MVB12B: variants seen among roughly 807,000 people sequenced by gnomAD.
The protein encoded by MVB12B is ESCRT-I complex subunit MVB12B.
MVB12B carries 16 observed loss-of-function variants against 41.6 expected under a neutral mutation model. The observed-to-expected ratio is 0.38, with a 90% CI of 0.26 to 0.58. MVB12B has a LOEUF of 0.58. MVB12B is among the 20% of genes least tolerant of loss of function. MVB12B has a pLI of 0.62. For missense variants in MVB12B, 274 were observed against 380.2 expected (o/e 0.72, Z 2.32); for synonymous variants, 133 against 139.7 (o/e 0.95, Z 0.34).
At position 126,506,887 on chromosome 9, in the gene MVB12B, CTG is replaced by C. The variant is rs771136465; in HGVS notation, c.*3628_*3629del. The stretch of plus-strand genomic sequence containing the variant: ...CTAAGGCCGTGGAGCTGCTGTGTGA[CTG>C]TGTCAGGCCTGGACAAGGAAGACCC... On this transcript the variant is annotated 3_prime_UTR_variant, in exon 10 of 10. Transcript: ENST00000361171. The C allele has an allele frequency of 3.3e-5, 5 of 152,644 alleles. No homozygotes were observed. Among genetic ancestry groups the C allele is most frequent in the African/African-American group, 1.2e-4 (5 of 41,452 alleles). 9.5% of individuals were successfully genotyped at this position (152,644 alleles called of 1,614,324 possible).
intron 2 of MVB12B, among the ~76,000 whole-genome samples, chr9:126,346,635 T>C (rs1308617693): frequency 6.6e-6 from 1 of 152,048 alleles, no homozygotes; most frequent in Non-Finnish European, 1.5e-5. Flanking sequence ...TAAGTGGGCT[T>C]GTCTAGGGAG....
Position 126,354,278 on chromosome 9 carries a change from T to C in MVB12B, c.204+13648T>C, listed in dbSNP as rs765676024. On this transcript the variant is annotated intron_variant, in intron 2 of 9. Coordinates refer to ENST00000361171, the MANE Select transcript of MVB12B (RefSeq NM_033446.3). ...TCTCGGACTGTCAATCTTTCAGTCT[T>C]GTTCATAGTATCACATTTTGTTGAT... Among the ~76,000 whole-genome samples the C allele has an allele frequency of 2.0e-5, 3 of 152,252 alleles. No homozygotes were observed. In the East Asian group the frequency reaches 5.8e-4, roughly 29 times the overall value.
intron 3 of MVB12B, among the ~76,000 whole-genome samples, chr9:126,384,631 C>T (rs1162386858): frequency 6.6e-6 from 1 of 152,008 alleles, no homozygotes; most frequent in African/African-American, 2.4e-5. Context: ...TGGGTTCAAG[C>T]GATTCTCCTG....
At chr9:126,327,449 G>A (rs1190063743) in intron 1 of MVB12B, among the ~76,000 whole-genome samples, 1 of 152,214 alleles carries the variant, frequency 6.6e-6, no homozygotes, top group Non-Finnish European at 1.5e-5. Context: ...TGCCCCAGGA[G>A]CATCACTGCC....
intron 9 of MVB12B, among the ~76,000 whole-genome samples, chr9:126,492,033 A>G (rs565547272): frequency 2.6e-5 from 4 of 151,506 alleles, no homozygotes; most frequent in Non-Finnish European, 5.9e-5. Context: ...CCTGAGTACC[A>G]AGGTTGTCCA....
Position 126,340,674 on chromosome 9 carries a change from C to T in MVB12B, c.204+44C>T. The T allele has an allele frequency of 5.6e-6, 9 of 1,603,740 alleles. No homozygotes were observed. The highest frequency in any genetic ancestry group is 5.5e-5 in the South Asian group (5 of 90,598). On this transcript the variant is annotated intron_variant, in intron 2 of 9. Coordinates refer to ENST00000361171, the MANE Select transcript of MVB12B (RefSeq NM_033446.3). The surrounding 1 kb of genome is among the most constrained non-coding windows in gnomAD (Gnocchi z 4.0). Reference sequence around the variant, plus strand: ...TTGTACATTTTGCTCACTGATTCTACAAGTATTTATCTCCTGTGTCCAAGA... The same window carrying T: ...TTGTACATTTTGCTCACTGATTCTATAAGTATTTATCTCCTGTGTCCAAGA...
At chr9:126,470,393 G>A (rs1179014046) in intron 7 of MVB12B, among the ~76,000 whole-genome samples, 1 of 152,176 alleles carries the variant, frequency 6.6e-6, no homozygotes, top group Non-Finnish European at 1.5e-5. Flanking sequence ...GTTTCTTGTG[G>A]GTGTGGACTG....
rs757375558 is a variant in MVB12B, at chr9:126,326,937, G to A, written c.8G>A (p.Ser3Asn). ...TCCCGCGCCGCCCGGGCGATGAGAA[G>A]CTGCTTCTGCGTGAGACGGAGCCGG... is the stretch of plus-strand genomic sequence containing the variant. MR[S>N]CFCVRRSRDP... The change falls in exon 1 of 10, where the codon AGC (serine) becomes AAC (asparagine). Residue 3 changes from serine to asparagine, a missense_variant. Transcript: ENST00000361171. 6.9e-5 allele frequency: 19 copies of A among 276,076 alleles called. No homozygotes were observed. The highest frequency in any genetic ancestry group is 4.8e-4 in the South Asian group (17 of 35,408). The allele number at this position is 276,076 out of a possible 1,614,324, so 17.1% of individuals were successfully genotyped here.
At chr9:126,502,986 C>G (rs1338319310) in intron 9 of MVB12B, among the ~76,000 whole-genome samples, 191 bp from the exon 10 acceptor site, 3 of 152,236 alleles carry the variant, frequency 2.0e-5, no homozygotes, top group Admixed American at 2.0e-4. Flanking sequence ...TCCACGCACA[C>G]ACGCCACATG....
At chr9:126,413,270 C>T (rs373935073) in intron 6 of MVB12B, among the ~76,000 whole-genome samples, 2 of 152,152 alleles carry the variant, frequency 1.3e-5, no homozygotes, top group African/African-American at 4.8e-5. Context: ...ATCCAAGCTT[C>T]TGCATACTCT....
At chr9:126,462,306 T>C (rs1392207253) in intron 7 of MVB12B, among the ~76,000 whole-genome samples, 1 of 152,190 alleles carries the variant, frequency 6.6e-6, no homozygotes, top group East Asian at 1.9e-4. Context: ...AAAACCAATT[T>C]CGTAAACACA....
chr9:126,349,624 T>TA (rs1829693316), intron 2 of MVB12B, among the ~76,000 whole-genome samples: 1 of 152,092 alleles, frequency 6.6e-6, no homozygotes, highest in Non-Finnish European at 1.5e-5. Flanking sequence ...AATTGGCTTT[T>TA]AAAAAAAACT....
At chr9:126,466,545 A>G (rs1049968686) in intron 7 of MVB12B, among the ~76,000 whole-genome samples, 3 of 152,144 alleles carry the variant, frequency 2.0e-5, no homozygotes, top group African/African-American at 4.8e-5. Context: ...GTAGGTGACA[A>G]ATGGTGGGAT....
intron 7 of MVB12B, among the ~76,000 whole-genome samples, chr9:126,453,439 C>T (rs184390577): frequency 6.6e-6 from 1 of 152,292 alleles, no homozygotes; most frequent in Non-Finnish European, 1.5e-5. Context: ...TCTCCCTTCT[C>T]AAGTATGGAG....
chr9:126,503,618 GGCTCCCTCC>G lies in MVB12B; in HGVS notation c.*365_*373del, dbSNP rs3841410. ...CCCTGGCCGCCCAGTGACGCCCACC[GGCTCCCTCC>G]GCTCCCTCCTGTCACCTACCAGGGC... is the stretch of plus-strand genomic sequence containing the variant. On this transcript the variant is annotated 3_prime_UTR_variant, in exon 10 of 10. Transcript: ENST00000361171. 0.21 allele frequency: 66,267 copies of G among 320,346 alleles called. 8,666 individuals are homozygous for G. Among genetic ancestry groups the G allele is most frequent in the African/African-American group, 0.42 (19,107 of 45,832 alleles). The allele number at this position is 320,346 out of a possible 1,614,324, so 19.8% of individuals were successfully genotyped here. A position where few individuals can be genotyped will look rare whatever the true frequency, so the allele number is the denominator to read the frequency against.
intron 2 of MVB12B, among the ~76,000 whole-genome samples, chr9:126,358,134 A>G (rs978009450): frequency 9.8e-5 from 15 of 152,310 alleles, no homozygotes; most frequent in African/African-American, 3.6e-4. Context: ...TCGTAGATGT[A>G]TAGGCACATT....
chr9:126,364,135 A>G (rs752631232), intron 2 of MVB12B, among the ~76,000 whole-genome samples: 1 of 152,224 alleles, frequency 6.6e-6, no homozygotes, highest in Non-Finnish European at 1.5e-5. Context: ...TTGGATGCCA[A>G]CATCCAGCTA....
At chr9:126,492,546 T>A (rs562541879) in intron 9 of MVB12B, among the ~76,000 whole-genome samples, 21 of 152,292 alleles carry the variant, frequency 1.4e-4, no homozygotes, top group Admixed American at 1.3e-3. Flanking sequence ...TAATTTTTAA[T>A]CTCTGCTTAT....
intron 5 of MVB12B, among the ~76,000 whole-genome samples, chr9:126,394,718 A>G (rs1831055269): frequency 6.6e-6 from 1 of 152,204 alleles, no homozygotes; most frequent in Admixed American, 6.5e-5. Flanking sequence ...CTAAGAAGAC[A>G]GGATTGTGGT....
Sources: gnomAD v4.1 joint callset for allele counts (sites outside exome capture counted in the v4.1 genomes callset) on GRCh38, gnomAD v4.1.1 for gene constraint, Gnocchi (gnomAD v3.1) non-coding constraint, MANE v1.5 for transcripts, NCBI Gene and HGNC (gene_info 2026-07-23, HGNC 2026-07-21) for gene names.